KCNH7: variants seen among roughly 807,000 people sequenced by gnomAD.
KCNH7 encodes voltage-gated inwardly rectifying potassium channel KCNH7.
Under a neutral mutation model 120.8 loss-of-function variants are expected in KCNH7, and 49 were observed. The observed-to-expected ratio is 0.41, with a 90% CI of 0.32 to 0.51. The LOEUF (loss-of-function observed/expected upper bound fraction) is 0.51, where lower values mean the gene tolerates loss of function less well. KCNH7 is among the 20% of genes least tolerant of loss of function. KCNH7 has a pLI of 0.38. For synonymous variants in KCNH7, 547 were observed against 516.1 expected, an observed-to-expected ratio of 1.06 and a Z score of -0.81; for missense variants, 1,097 against 1,446.6, an observed-to-expected ratio of 0.76 and a Z score of 3.92.
chr2:162,708,771 T>A (rs754698805), intron 2 of KCNH7, among the ~76,000 whole-genome samples: 2 of 152,064 alleles, frequency 1.3e-5, no homozygotes, highest in Non-Finnish European at 2.9e-5. Flanking sequence ...ATACACACCC[T>A]GTCATCCTGG....
chr2:162,766,864 TAC>T (rs200638624), intron 2 of KCNH7, among the ~76,000 whole-genome samples: 24,051 of 141,226 alleles, frequency 0.17, 1,992 homozygotes, highest in Non-Finnish European at 0.21. Flanking sequence ...CTAAGCACAT[TAC>T]ACACACACAC....
chr2:162,817,936 C>T (rs1274441611), intron 2 of KCNH7, among the ~76,000 whole-genome samples: 2 of 151,950 alleles, frequency 1.3e-5, no homozygotes, highest in African/African-American at 4.8e-5. Flanking sequence ...GAGATATGGA[C>T]ATATTTAATA....
At chr2:162,814,038 A>G (rs1264711253) in intron 2 of KCNH7, among the ~76,000 whole-genome samples, 3 of 152,212 alleles carry the variant, frequency 2.0e-5, no homozygotes, top group Non-Finnish European at 4.4e-5. Context: ...AAATTGGACA[A>G]TGTGGATCCT....
At chr2:162,758,823 C>T (rs1409498131) in intron 2 of KCNH7, among the ~76,000 whole-genome samples, 1 of 152,080 alleles carries the variant, frequency 6.6e-6, no homozygotes, top group African/African-American at 2.4e-5. Context: ...GCAATAACAA[C>T]TTTACTGCCT....
chr2:162,836,377 A>G (rs1685664696), intron 2 of KCNH7, among the ~76,000 whole-genome samples, 160 bp downstream of exon 2: 1 of 152,236 alleles, frequency 6.6e-6, no homozygotes, highest in Non-Finnish European at 1.5e-5. Flanking sequence ...CTACCAGACC[A>G]CTAATCAGAA....
intron 5 of KCNH7, among the ~76,000 whole-genome samples, chr2:162,508,612 A>G (rs936683815): frequency 5.9e-5 from 9 of 151,494 alleles, no homozygotes; most frequent in African/African-American, 1.9e-4. Context: ...AAAAATTTCA[A>G]CATTTTAACT....
At chr2:162,668,427 T>A (rs773288176) in intron 2 of KCNH7, among the ~76,000 whole-genome samples, 2 of 152,054 alleles carry the variant, frequency 1.3e-5, no homozygotes, top group African/African-American at 2.4e-5. Context: ...TGTTACCAGG[T>A]AGAGGAAGGA....
intron 2 of KCNH7, among the ~76,000 whole-genome samples, chr2:162,773,457 C>T (rs1453009834): frequency 6.6e-6 from 1 of 152,168 alleles, no homozygotes; most frequent in African/African-American, 2.4e-5. Context: ...CGCTGCACTC[C>T]AGCCTCCTCG....
intron 8 of KCNH7, among the ~76,000 whole-genome samples, chr2:162,424,307 T>C (rs933295134): frequency 2.0e-5 from 3 of 152,180 alleles, no homozygotes; most frequent in African/African-American, 7.2e-5. Context: ...AGAATATCTG[T>C]ATTGGTGCTT....
At chr2:162,503,209 C>A (rs981913394) in intron 6 of KCNH7, among the ~76,000 whole-genome samples, 2 of 151,984 alleles carry the variant, frequency 1.3e-5, no homozygotes, top group Non-Finnish European at 2.9e-5. Flanking sequence ...AACTTTTCTT[C>A]TGTCTCCTCT....
At chr2:162,769,738 T>C (rs1476355730) in intron 2 of KCNH7, among the ~76,000 whole-genome samples, 2 of 152,146 alleles carry the variant, frequency 1.3e-5, no homozygotes, top group Admixed American at 6.6e-5. Flanking sequence ...CATATGTATA[T>C]ATATAAATGA....
chr2:162,598,869 A>G (rs571242156), intron 2 of KCNH7, among the ~76,000 whole-genome samples: 2 of 152,268 alleles, frequency 1.3e-5, no homozygotes, highest in African/African-American at 4.8e-5. Flanking sequence ...AATATTAAAG[A>G]TTCTAGATTT....
chr2:162,457,454 A>G (rs1689005695), intron 6 of KCNH7, among the ~76,000 whole-genome samples: 1 of 152,184 alleles, frequency 6.6e-6, no homozygotes, highest in Admixed American at 6.6e-5. Flanking sequence ...AGTTTTCTTT[A>G]CCAAATACAA....
At chr2:162,726,631 T>A (rs1687533032) in intron 2 of KCNH7, among the ~76,000 whole-genome samples, 1 of 152,066 alleles carries the variant, frequency 6.6e-6, no homozygotes, top group African/African-American at 2.4e-5. Flanking sequence ...TGTTGGCCAG[T>A]CTGGTCTTGA....
intron 2 of KCNH7, among the ~76,000 whole-genome samples, chr2:162,584,036 T>C (rs1693954146): frequency 2.0e-5 from 3 of 152,126 alleles, no homozygotes; most frequent in Admixed American, 6.6e-5. Context: ...GTAAAATATA[T>C]AGATAAAAGC....
chr2:162,402,318 T>C (rs1405985776), intron 9 of KCNH7, among the ~76,000 whole-genome samples: 3 of 149,792 alleles, frequency 2.0e-5, no homozygotes, highest in South Asian at 2.1e-4. Context: ...TTCATTGGAC[T>C]CTTTGGCAAG....
chr2:162,465,025 G>A (rs13388357), intron 6 of KCNH7, among the ~76,000 whole-genome samples: 11,227 of 152,080 alleles, frequency 0.074, 1,321 homozygotes, highest in African/African-American at 0.25. Flanking sequence ...AAAGAATATG[G>A]AGATAAAACA....
intron 3 of KCNH7, among the ~76,000 whole-genome samples, chr2:162,527,227 T>C (rs922945184): frequency 6.6e-6 from 1 of 152,010 alleles, no homozygotes; most frequent in African/African-American, 2.4e-5. Flanking sequence ...TCAAATTTAA[T>C]CTTTAAAAAG....
chr2:162,557,743 T>C (rs1335886553), intron 2 of KCNH7, among the ~76,000 whole-genome samples: 3 of 152,142 alleles, frequency 2.0e-5, no homozygotes, highest in East Asian at 3.9e-4. Flanking sequence ...GTGATAGTGA[T>C]TATTATAAAC....
Sources: gnomAD v4.1 joint callset for allele counts (sites outside exome capture counted in the v4.1 genomes callset) on GRCh38, gnomAD v4.1.1 for gene constraint, MANE v1.5 for transcripts, NCBI Gene and HGNC (gene_info 2026-07-23, HGNC 2026-07-21) for gene names.